Variants in RNF150 observed in about 807,000 individuals in gnomAD.
The protein encoded by RNF150 is ring finger protein 150.
A neutral mutation model predicts 39.3 loss-of-function variants in RNF150; 24 were observed. The ratio of observed to expected loss-of-function variants is 0.61; its 90% CI spans 0.44 to 0.86. The LOEUF (loss-of-function observed/expected upper bound fraction) is 0.86. Ranked by LOEUF, RNF150 falls within the 40% of genes least tolerant of loss-of-function variation. The pLI, the probability that RNF150 is intolerant of heterozygous loss-of-function variation, is 0.00. For missense variants in RNF150, 502 were observed against 587.8 expected, an observed-to-expected ratio of 0.85 and a Z score of 1.51; for synonymous variants, 255 against 227.3, an observed-to-expected ratio of 1.12 and a Z score of -1.10.
intron 6 of RNF150, among the ~76,000 whole-genome samples, chr4:140,882,475 T>G (rs1729413609): frequency 6.6e-6 from 1 of 152,206 alleles, no homozygotes; most frequent in South Asian, 2.1e-4. Flanking sequence ...TCTATTCTAC[T>G]TATGCCTATT....
chr4:140,881,289 A>C (rs1729364618), intron 6 of RNF150, among the ~76,000 whole-genome samples: 1 of 151,844 alleles, frequency 6.6e-6, no homozygotes, highest in South Asian at 2.1e-4. Context: ...CAGCCTCTCA[A>C]GTAGCTGGGA....
At chr4:141,141,768 A>G (rs936067930) in intron 1 of RNF150, among the ~76,000 whole-genome samples, 5 of 152,152 alleles carry the variant, frequency 3.3e-5, no homozygotes, top group African/African-American at 4.8e-5. Context: ...TGGTGAGTCA[A>G]TCGAGCCACT....
chr4:141,054,604 G>C (rs1418912398), intron 1 of RNF150, among the ~76,000 whole-genome samples: 2 of 152,050 alleles, frequency 1.3e-5, no homozygotes, highest in Non-Finnish European at 2.9e-5. Context: ...CTTTTAATTA[G>C]AGTAAAACTG....
chr4:140,921,230 T>C (rs1395044734), intron 5 of RNF150, among the ~76,000 whole-genome samples: 3 of 150,954 alleles, frequency 2.0e-5, no homozygotes, highest in Admixed American at 2.0e-4. Context: ...GCAAGACTAA[T>C]AAAGAAGAAA....
At chr4:141,145,577 G>A (rs898486365) in intron 1 of RNF150, among the ~76,000 whole-genome samples, 1 of 152,184 alleles carries the variant, frequency 6.6e-6, no homozygotes, top group Non-Finnish European at 1.5e-5. Context: ...CATTTAGCAT[G>A]GAATAAGTTC....
At chr4:140,893,801 A>G (rs1185506529) in intron 6 of RNF150, among the ~76,000 whole-genome samples, 1 of 152,206 alleles carries the variant, frequency 6.6e-6, no homozygotes, top group African/African-American at 2.4e-5. Context: ...GTGACTAAAC[A>G]TGTACACAAT....
chr4:141,047,630 G>T (rs1560708402), intron 1 of RNF150, among the ~76,000 whole-genome samples: 1 of 151,974 alleles, frequency 6.6e-6, no homozygotes, highest in Non-Finnish European at 1.5e-5. Context: ...GGTTAAAATG[G>T]ATGCCAGCAA....
chr4:141,051,080 C>T (rs1405336814), intron 1 of RNF150, among the ~76,000 whole-genome samples: 1 of 152,230 alleles, frequency 6.6e-6, no homozygotes, highest in Non-Finnish European at 1.5e-5. Flanking sequence ...CTCAGCACCA[C>T]AGGGAAGGTG....
At chr4:140,966,315 G>A (rs936603575) in intron 2 of RNF150, among the ~76,000 whole-genome samples, 1 of 152,062 alleles carries the variant, frequency 6.6e-6, no homozygotes, top group African/African-American at 2.4e-5. Context: ...ACTCCACCCT[G>A]GGTGACACAG....
In RNF150 at chr4:140,861,074, T is replaced by C. The variant is rs558830469; in HGVS notation, c.*7187A>G. The C allele has an allele frequency of 2.0e-5, 3 of 152,082 alleles. No homozygotes were observed. The highest frequency in any genetic ancestry group is 4.4e-5 in the Non-Finnish European group (3 of 68,018). 9.4% of individuals were successfully genotyped at this position (152,082 alleles called of 1,614,324 possible). ...CCCCACTCCCACCCCTACATCTCCT[T>C]CTAATTATAAAATGGTAGAACCATC... On this transcript the variant is annotated 3_prime_UTR_variant, in exon 7 of 7. Coordinates refer to ENST00000515673, the MANE Select transcript of RNF150 (RefSeq NM_020724.2).
Position 140,896,704 on chromosome 4 carries a change from A to C in RNF150, c.1198+14440T>G, listed in dbSNP as rs78800006. On this transcript the variant is annotated intron_variant, in intron 6 of 6. Coordinates refer to ENST00000515673, the MANE Select transcript of RNF150 (RefSeq NM_020724.2). The stretch of plus-strand genomic sequence containing the variant: ...GAGTATAATAAAAAAAAAAAAACAA[A>C]AAAACAAACAAACAAACAAAAAAAA... 2.2e-3 allele frequency among the ~76,000 whole-genome samples: 186 copies of C among 83,482 alleles called. 5 individuals are homozygous for C. Among genetic ancestry groups the C allele is most frequent in the South Asian group, 0.015 (33 of 2,144 alleles). The allele number at this position is 83,482 out of a possible 152,430, so 54.8% of individuals were successfully genotyped here.
At chr4:140,891,364 G>C (rs1017693403) in intron 6 of RNF150, among the ~76,000 whole-genome samples, 3 of 152,168 alleles carry the variant, frequency 2.0e-5, no homozygotes, top group African/African-American at 7.2e-5. Flanking sequence ...TAGCTCTTCT[G>C]TTCTTGCTCC....
intron 6 of RNF150, among the ~76,000 whole-genome samples, chr4:140,907,327 A>G (rs190083911): frequency 1.2e-4 from 18 of 152,342 alleles, no homozygotes; most frequent in Admixed American, 3.9e-4. Flanking sequence ...CAGAAACATT[A>G]AAAAATATGT....
Position 141,094,458 on chromosome 4 carries a change from A to T in RNF150, c.484+37867T>A, listed in dbSNP as rs1465604867. Among the ~76,000 whole-genome samples, 4 of 152,236 alleles carry T rather than the reference A, an allele frequency of 2.6e-5. No homozygotes were observed. In the East Asian group the frequency reaches 7.7e-4, roughly 29 times the overall value. On this transcript the variant is annotated intron_variant, in intron 1 of 6. Transcript: ENST00000515673. ...ATAGAATATGACCAAGAATTAGTAA[A>T]TTTTCTGCAAAGGGCCAAATAGTAA...
intron 1 of RNF150, among the ~76,000 whole-genome samples, chr4:140,984,099 C>T (rs933643134): frequency 2.6e-5 from 4 of 152,112 alleles, no homozygotes; most frequent in East Asian, 1.9e-4. Context: ...TTTCCACTTG[C>T]GGTGTTATGT....
intron 1 of RNF150, among the ~76,000 whole-genome samples, chr4:141,045,132 G>C (rs1405777559): frequency 1.3e-5 from 2 of 152,162 alleles, no homozygotes; most frequent in Admixed American, 1.3e-4. Context: ...GCTAGTTCCA[G>C]ACTGCAAAGT....
In RNF150 at chr4:141,132,470, GC is replaced by G; in HGVS notation, c.338del (p.Arg113ProfsTer6). The G allele has an allele frequency of 6.2e-7, 1 of 1,608,806 alleles. No homozygotes were observed. The highest frequency in any genetic ancestry group is 8.5e-7 in the Non-Finnish European group (1 of 1,178,294). On this transcript the variant is annotated frameshift_variant, in exon 1 of 7. Transcript: ENST00000515673. LOFTEE classifies it high-confidence loss of function. This position sits in a 1 kb window ranked among gnomAD's most constrained non-coding sequence, Gnocchi z 4.9. ...GGATGAGGGCTATCCAGTTCTTGCC[GC>G]GGGTCGGGGCGGCGAACTTGGTGTT... ...DPNTKFAAPT[R>X]GKNWIALIPK...
chr4:141,058,580 G>A (rs764504483), intron 1 of RNF150, among the ~76,000 whole-genome samples: 37 of 152,230 alleles, frequency 2.4e-4, no homozygotes, highest in African/African-American at 7.9e-4. Context: ...ACTGTACTGT[G>A]TCTCAGTCCA....
At position 141,023,175 on chromosome 4, in the gene RNF150, CAAAT is replaced by C. The variant is rs1253649377; in HGVS notation, c.485-55306_485-55303del. 5.9e-5 allele frequency among the ~76,000 whole-genome samples: 9 copies of C among 152,030 alleles called. No homozygotes were observed. The East Asian group carries it at 1.5e-3, about 26-fold the overall frequency. On this transcript the variant is annotated intron_variant, in intron 1 of 6. Transcript: ENST00000515673. The stretch of plus-strand genomic sequence containing the variant: ...CTGACCAATAAAAATATGTGTGTGA[CAAAT>C]AAAATTTAAAATTTTCTAGTAGCCA...
Sources: gnomAD v4.1 joint callset for allele counts (sites outside exome capture counted in the v4.1 genomes callset) on GRCh38, gnomAD v4.1.1 for gene constraint, Gnocchi (gnomAD v3.1) non-coding constraint, MANE v1.5 for transcripts, NCBI Gene and HGNC (gene_info 2026-07-23, HGNC 2026-07-21) for gene names.